The following TRIM4 variants were observed in gnomAD, a reference collection of about 807,000 sequenced individuals.
The protein encoded by TRIM4 is E3 ubiquitin-protein ligase TRIM4.
Under a neutral mutation model 33.7 loss-of-function variants are expected in TRIM4, and 29 were observed. The ratio of observed to expected loss-of-function variants is 0.86; its 90% CI spans 0.64 to 1.17. The LOEUF is 1.17. TRIM4 is among the 50% of genes most tolerant of loss of function. The pLI, the probability that TRIM4 is intolerant of heterozygous loss-of-function variation, is 0.00. For synonymous variants in TRIM4, 224 were observed against 233.0 expected (o/e 0.96, Z 0.35); for missense variants, 554 against 593.7 (o/e 0.93, Z 0.69).
At chr7:99,913,902 A>G (rs1819498317) in intron 1 of TRIM4, among the ~76,000 whole-genome samples, 1 of 152,166 alleles carries the variant, frequency 6.6e-6, no homozygotes, top group African/African-American at 2.4e-5. Flanking sequence ...TCTGTGAGCA[A>G]GTCAGCCTTG....
At chr7:99,895,916 G>T (rs554380213) in intron 5 of TRIM4, among the ~76,000 whole-genome samples, 113 of 150,032 alleles carry the variant, frequency 7.5e-4, no homozygotes, top group Middle Eastern at 3.4e-3. Context: ...CATATTTAAT[G>T]TGTTTCTTTT....
At chr7:99,908,186 T>G (rs1441789091) in intron 3 of TRIM4, 2 of 158,426 alleles carry the variant, frequency 1.3e-5, no homozygotes, top group Non-Finnish European at 2.8e-5. Context: ...TTGTAATGAT[T>G]AAAAATAAGC....
chr7:99,892,663 C>A lies in TRIM4; in HGVS notation c.925G>T (p.Ala309Ser), dbSNP rs1249670754. 2 of 1,614,044 alleles carry A rather than the reference C, an allele frequency of 1.2e-6. No homozygotes were observed. Among genetic ancestry groups the A allele is most frequent in the Non-Finnish European group, 1.7e-6 (2 of 1,180,046 alleles). ...EGRYVKNTAS[A>S]SSWPVFSSAW... ...GAAGAAAACACTGGCCAAGAACTGG[C>A]TGATGCTGTATTTTTCACGTATCTC... Residue 309 changes from alanine to serine, a missense_variant, in exon 6 of 6, where the codon GCC becomes TCC. Physicochemically the swap from Ala to Ser is moderately conservative, Grantham distance 99 (BLOSUM62 1). Transcript: ENST00000349062.
Position 99,903,343 on chromosome 7 carries a change from G to A in TRIM4, c.744-28C>T, listed in dbSNP as rs201955132. The A allele has an allele frequency of 9.0e-6, 14 of 1,559,760 alleles. 1 individual carries two copies. In the East Asian group the frequency reaches 2.9e-4, roughly 32 times the overall value. On this transcript the variant is annotated intron_variant, in intron 4 of 5. Transcript: ENST00000349062. ...AAGAAGGTAGAGAAGACTGCTCTTA[G>A]GGGACAACTAGGGTAGCCAAGACCT...
chr7:99,915,535 A>G (rs1819536280), intron 1 of TRIM4, among the ~76,000 whole-genome samples: 1 of 152,146 alleles, frequency 6.6e-6, no homozygotes, highest in Non-Finnish European at 1.5e-5. Flanking sequence ...CAGCTATCCA[A>G]CTTTTAAAAC....
In TRIM4 at chr7:99,903,615, G is replaced by A; in HGVS notation, c.721-17C>T. Reference sequence around the variant, plus strand: ...TTTTGGATTCTGTGAAAAGAAGGAAGACATAAGCAAATTACGAACCTTCTC... The same window carrying A: ...TTTTGGATTCTGTGAAAAGAAGGAAAACATAAGCAAATTACGAACCTTCTC... On this transcript the variant is annotated splice_polypyrimidine_tract_variant and intron_variant, in intron 3 of 5. Coordinates refer to ENST00000349062, the MANE Select transcript of TRIM4 (RefSeq NM_033091.3). The A allele has an allele frequency of 6.2e-7, 1 of 1,614,198 alleles. No homozygotes were observed. Among genetic ancestry groups the A allele is most frequent in the Non-Finnish European group, 8.5e-7 (1 of 1,180,034 alleles).
At position 99,919,149 on chromosome 7, in the gene TRIM4, C is replaced by T; in HGVS notation, c.253G>A (p.Gly85Ser). ...GGCTCCCAGTGGCGGCCGCACAGGC[C>T]CGGGGGCACGGGGCCCAGGCGCCGG... is the stretch of plus-strand genomic sequence containing the variant. ...QRRRLGPVPP[G>S]LCGRHWEPLR... Residue 85 changes from glycine to serine, a missense_variant, in exon 1 of 6, where the codon GGC becomes AGC. Coordinates refer to ENST00000349062, the MANE Select transcript of TRIM4 (RefSeq NM_033091.3). 6.7e-7 allele frequency: 1 copy of T among 1,494,486 alleles called. No individual in the cohort carries two copies. Among genetic ancestry groups the T allele is most frequent in the Non-Finnish European group, 8.9e-7 (1 of 1,122,672 alleles). The allele number at this position is 1,494,486 out of a possible 1,614,324, so 92.6% of individuals were successfully genotyped here.
At chr7:99,902,314 C>T in intron 5 of TRIM4, 1 of 642,670 alleles carries the variant, frequency 1.6e-6, no homozygotes, top group Non-Finnish European at 2.8e-6. Context: ...TGGATACAAT[C>T]TCAGCTCACT....
chr7:99,906,938 A>T (rs1416430545), intron 3 of TRIM4, among the ~76,000 whole-genome samples: 1 of 152,224 alleles, frequency 6.6e-6, no homozygotes, highest in African/African-American at 2.4e-5. Flanking sequence ...ATGGTGTTGG[A>T]GGCAACGCAG....
At chr7:99,907,747 TC>T (rs1377573409) in intron 3 of TRIM4, among the ~76,000 whole-genome samples, 5 of 152,118 alleles carry the variant, frequency 3.3e-5, no homozygotes, top group Non-Finnish European at 7.4e-5. Flanking sequence ...GTTTCTGACT[TC>T]CTTAAGAGTA....
chr7:99,919,494 A>C lies in TRIM4; in HGVS notation c.-93T>G, dbSNP rs1425959037. ...CCGCGGGGAGGCCAGACGACTTCCGAACCGCCGTCACCGCCTCACGTAAAA... is the reference window on the plus strand; with the variant it reads ...CCGCGGGGAGGCCAGACGACTTCCGCACCGCCGTCACCGCCTCACGTAAAA... On this transcript the variant is annotated 5_prime_UTR_variant, in exon 1 of 6. Transcript: ENST00000349062. 6 of 1,338,018 alleles carry C rather than the reference A, an allele frequency of 4.5e-6. No individual in the cohort carries two copies. The East Asian group carries it at 9.1e-5, about 20-fold the overall frequency. The allele number at this position is 1,338,018 out of a possible 1,614,324, so 82.9% of individuals were successfully genotyped here.
chr7:99,915,586 T>C (rs1209603468), intron 1 of TRIM4, among the ~76,000 whole-genome samples: 1 of 152,184 alleles, frequency 6.6e-6, no homozygotes, highest in African/African-American at 2.4e-5. Flanking sequence ...ATGGGATGCT[T>C]GGAAATAAAG....
chr7:99,903,468 T>C, intron 4 of TRIM4, 108 bp downstream of exon 4: 2 of 1,467,674 alleles, frequency 1.4e-6, no homozygotes, highest in Non-Finnish European at 9.5e-7. Context: ...AGACCCCCAT[T>C]AGGGTGTGCC....
In TRIM4 at chr7:99,919,177, C is replaced by T; in HGVS notation, c.225G>A (p.Gln75=). 6.8e-7 allele frequency: 1 copy of T among 1,474,512 alleles called. No individual in the cohort carries two copies. Among genetic ancestry groups the T allele is most frequent in the Non-Finnish European group, 9.0e-7 (1 of 1,114,834 alleles). 91.3% of individuals were successfully genotyped at this position (1,474,512 alleles called of 1,614,324 possible). A position where few individuals can be genotyped will look rare whatever the true frequency, so the allele number is the denominator to read the frequency against. The part of the protein sequence containing the change: ...WALARLTEKT[Q]RRRLGPVPPG... ...GGGGCACGGGGCCCAGGCGCCGGCG[C>T]TGCGTCTTCTCAGTCAGCCTGGCCA... is the stretch of plus-strand genomic sequence containing the variant. The change falls in exon 1 of 6, where the codon CAG becomes CAA. Residue 75 remains glutamine, a synonymous_variant. Transcript: ENST00000349062.
chr7:99,919,065 G>C lies in TRIM4; in HGVS notation c.337C>G (p.Gln113Glu). 3 of 1,574,954 alleles carry C rather than the reference G, an allele frequency of 1.9e-6. No homozygotes were observed. The highest frequency in any genetic ancestry group is 2.6e-6 in the Non-Finnish European group (3 of 1,162,604). Reference sequence around the variant, plus strand: ...GCCATGGCGTGAGTCTGGTGCTCCTGGGACTCCCTGCACACCAGGCACACT... The same window carrying C: ...GCCATGGCGTGAGTCTGGTGCTCCTCGGACTCCCTGCACACCAGGCACACT... ...RPVCLVCRES[Q>E]EHQTHAMAPI... Residue 113 changes from glutamine to glutamate, a missense_variant, in exon 1 of 6, where the codon CAG becomes GAG. Gln to Glu is a conservative substitution (Grantham distance 29). Coordinates refer to ENST00000349062, the MANE Select transcript of TRIM4 (RefSeq NM_033091.3).
At chr7:99,912,674 G>C (rs1159217141) in intron 1 of TRIM4, among the ~76,000 whole-genome samples, 1 of 152,188 alleles carries the variant, frequency 6.6e-6, no homozygotes, top group African/African-American at 2.4e-5. Flanking sequence ...CAAATGGACA[G>C]CTATGTGATA....
Position 99,919,195 on chromosome 7 carries a change from C to A in TRIM4, c.207G>T (p.Arg69Ser). The change falls in exon 1 of 6, where the codon AGG (arginine) becomes AGT (serine). Residue 69 changes from arginine to serine, a missense_variant. Coordinates refer to ENST00000349062, the MANE Select transcript of TRIM4 (RefSeq NM_033091.3). Reference protein sequence around the residue: ...AALRPNWALARLTEKTQRRRL... With the variant: ...AALRPNWALASLTEKTQRRRL... ...GCCGGCGCTGCGTCTTCTCAGTCAG[C>A]CTGGCCAGGGCCCAGTTGGGTCGCA... 1 of 1,492,700 alleles carries A rather than the reference C, an allele frequency of 6.7e-7. No individual in the cohort carries two copies. 92.5% of individuals were successfully genotyped at this position (1,492,700 alleles called of 1,614,324 possible). A position where few individuals can be genotyped will look rare whatever the true frequency, so the allele number is the denominator to read the frequency against.
At position 99,919,223 on chromosome 7, in the gene TRIM4, G is replaced by T; in HGVS notation, c.179C>A (p.Ala60Glu). Residue 60 changes from alanine to glutamate, a missense_variant, in exon 1 of 6, where the codon GCG (alanine) becomes GAG (glutamate). Around this residue, in one of 3 missense-constraint regions of TRIM4, gnomAD observed 233 missense variants for 203.1 expected, o/e 1.15. Transcript: ENST00000349062. ...PECRHPSAPA[A>E]LRPNWALARL... The stretch of plus-strand genomic sequence containing the variant: ...GGCCAGGGCCCAGTTGGGTCGCAGC[G>T]CGGCGGGCGCCGATGGGTGCCGACA... 6.6e-7 allele frequency: 1 copy of T among 1,519,086 alleles called. No individual in the cohort carries two copies. Among genetic ancestry groups the T allele is most frequent in the African/African-American group, 1.4e-5 (1 of 70,058 alleles). 94.1% of individuals were successfully genotyped at this position (1,519,086 alleles called of 1,614,324 possible).
intron 5 of TRIM4, among the ~76,000 whole-genome samples, chr7:99,899,949 CTAAT>C (rs1447228997): frequency 6.6e-6 from 1 of 152,150 alleles, no homozygotes; most frequent in African/African-American, 2.4e-5. Context: ...CACCAGCACA[CTAAT>C]TATTTTATTT....
Sources: allele counts gnomAD v4.1 joint callset (sites outside exome capture counted in the v4.1 genomes callset), GRCh38; gene constraint gnomAD v4.1.1; regional missense constraint gnomAD v4.1.1; transcripts MANE v1.5; gene names NCBI Gene and HGNC (gene_info 2026-07-23, HGNC 2026-07-21).